SNX14: variants seen among roughly 807,000 people sequenced by gnomAD.
SNX14 encodes sorting nexin 14, also known as sorting nexin-14.
A neutral mutation model predicts 133.8 loss-of-function variants in SNX14; 93 were observed. That is an observed-to-expected ratio of 0.70 (90% confidence interval 0.59 to 0.83). The LOEUF (loss-of-function observed/expected upper bound fraction) is 0.83, where lower values mean the gene tolerates loss of function less well. Among genes scored for constraint, SNX14 ranks in the 40% least tolerant of loss-of-function variants. The pLI is 0.00. For synonymous variants in SNX14, 368 were observed against 365.6 expected (o/e 1.01, Z -0.07); for missense variants, 945 against 1,094.9 (o/e 0.86, Z 1.93).
In SNX14 at chr6:85,547,355, A is replaced by G. The variant is rs1786001134; in HGVS notation, c.955T>C (p.Leu319=). ...TTTCTAGGTTCTGCAAATTTCTGCA[A>G]GAATGGAACCAAAGGAGAAGCCGGT... ...TEPASPLVPF[L]QKFAEPRNKK... Residue 319 remains leucine (L), a synonymous_variant, in exon 11 of 29, where the codon TTG becomes CTG. Transcript: ENST00000314673. 1 of 1,613,846 alleles carries G rather than the reference A, an allele frequency of 6.2e-7. No individual in the cohort carries two copies.
At chr6:85,574,130 AAG>A (rs1304628929) in intron 2 of SNX14, 126 bp downstream of exon 2, 1 of 702,340 alleles carries the variant, frequency 1.4e-6, no homozygotes, top group South Asian at 5.6e-5. Flanking sequence ...AAAAAAAAAA[AAG>A]AGAAGAAATT....
chr6:85,543,268 T>C lies in SNX14; in HGVS notation c.1303A>G (p.Thr435Ala), dbSNP rs901855371. 4 of 1,597,062 alleles carry C rather than the reference T, an allele frequency of 2.5e-6. No individual in the cohort carries two copies. The highest frequency in any genetic ancestry group is 2.6e-6 in the Non-Finnish European group (3 of 1,173,972). Residue 435 changes from threonine (T) to alanine (A), a missense_variant, in exon 14 of 29, where the codon ACT (threonine) becomes GCT (alanine). Transcript: ENST00000314673. Reference sequence around the variant, plus strand: ...TATGCTTCAAAAAGACATCTCATAGTTTGAAGTTTCACAACATCTATGTAT... The same window carrying C: ...TATGCTTCAAAAAGACATCTCATAGCTTGAAGTTTCACAACATCTATGTAT... ...GPYIDVVKLQ[T>A]MRCLFEAYEH...
intron 7 of SNX14, among the ~76,000 whole-genome samples, chr6:85,556,065 T>G (rs1208393588): frequency 2.6e-5 from 4 of 152,040 alleles, no homozygotes; most frequent in Non-Finnish European, 5.9e-5. Context: ...ATTGGTACAT[T>G]GATTATAACA....
At position 85,568,777 on chromosome 6, in the gene SNX14, G is replaced by T. The variant is rs928215293; in HGVS notation, c.418-1200C>A. On this transcript the variant is annotated intron_variant, in intron 4 of 28. Transcript: ENST00000314673. The stretch of plus-strand genomic sequence containing the variant: ...AGTGAACAATAATTTAGACATTTTA[G>T]TACAAAAACTAAGCATTGTTTATAT... Among the ~76,000 whole-genome samples, 5 of 152,186 alleles carry T rather than the reference G, an allele frequency of 3.3e-5. No homozygotes were observed. In the East Asian group the frequency reaches 9.6e-4, roughly 29 times the overall value.
chr6:85,521,435 C>G (rs2127907029), intron 21 of SNX14, among the ~76,000 whole-genome samples: 1 of 152,140 alleles, frequency 6.6e-6, no homozygotes, highest in Non-Finnish European at 1.5e-5. Context: ...GAGACAGAGT[C>G]TCACTTACGT....
At chr6:85,545,581 A>G (rs922763461) in intron 12 of SNX14, among the ~76,000 whole-genome samples, 10 of 152,258 alleles carry the variant, frequency 6.6e-5, no homozygotes, top group African/African-American at 1.9e-4. Context: ...TAAATTCATT[A>G]AGAAGATATA....
intron 1 of SNX14, among the ~76,000 whole-genome samples, chr6:85,578,693 G>T (rs937632015): frequency 6.6e-6 from 1 of 152,176 alleles, no homozygotes; most frequent in Non-Finnish European, 1.5e-5. Flanking sequence ...GCTCTAAACT[G>T]CATCAGAAAG....
intron 10 of SNX14, 53 bp from the exon 11 acceptor site, chr6:85,547,450 T>A: frequency 6.2e-7 from 1 of 1,605,824 alleles, no homozygotes; most frequent in Non-Finnish European, 8.5e-7. Flanking sequence ...TGATTTGACA[T>A]ACAAAATCAA....
chr6:85,537,884 A>C lies in SNX14; in HGVS notation c.1475+954T>G, dbSNP rs919079407. 3.3e-5 allele frequency among the ~76,000 whole-genome samples: 5 copies of C among 152,276 alleles called. No individual in the cohort carries two copies. The South Asian group carries it at 1.0e-3, about 32-fold the overall frequency. On this transcript the variant is annotated intron_variant, in intron 16 of 28. Transcript: ENST00000314673. ...GAATCACTTGGACCCGCAAGATTGC[A>C]CCACTGCACTCCAGCCTGGGCAACA...
At chr6:85,561,075 T>A (rs1791398816) in intron 6 of SNX14, 1 of 148,670 alleles carries the variant, frequency 6.7e-6, no homozygotes, top group South Asian at 2.1e-4. Flanking sequence ...GGCTCACATC[T>A]GTAATCCCAG....
intron 2 of SNX14, 107 bp downstream of exon 2, chr6:85,574,151 A>C (rs1796572402): frequency 1.0e-6 from 1 of 974,728 alleles, no homozygotes; most frequent in Non-Finnish European, 1.4e-6. Flanking sequence ...TTGAAAGAAA[A>C]CAAATTTTGT....
intron 1 of SNX14, among the ~76,000 whole-genome samples, chr6:85,585,711 C>T (rs6454477): frequency 0.75 from 114,685 of 152,040 alleles, 43,895 homozygotes; most frequent in African/African-American, 0.89. Context: ...ATAGACCTAA[C>T]GGATGGAGTA....
chr6:85,564,428 C>T (rs936679565), intron 6 of SNX14, among the ~76,000 whole-genome samples: 6 of 152,216 alleles, frequency 3.9e-5, no homozygotes, highest in Non-Finnish European at 8.8e-5. Flanking sequence ...TCCTCTCCAG[C>T]ACCTGTTGTT....
intron 17 of SNX14, among the ~76,000 whole-genome samples, chr6:85,535,672 G>T (rs1430464397): frequency 6.6e-6 from 1 of 151,168 alleles, no homozygotes; most frequent in Non-Finnish European, 1.5e-5. Context: ...TAAAAAAACG[G>T]CTTTATTTGA....
At position 85,536,813 on chromosome 6, in the gene SNX14, T is replaced by G. The variant is rs200416094; in HGVS notation, c.1587A>C (p.Val529=). The G allele has an allele frequency of 6.2e-7, 1 of 1,612,386 alleles. No individual in the cohort carries two copies. The highest frequency in any genetic ancestry group is 2.2e-5 in the East Asian group (1 of 44,738). Residue 529 remains valine, a synonymous_variant, in exon 17 of 29, where the codon GTA becomes GTC. Coordinates refer to ENST00000314673, the MANE Select transcript of SNX14 (RefSeq NM_153816.6). ...TTACAAAATCATCTTCACCTTCAGC[T>G]ACACCATAATTAGGCAACATAGCTC... The part of the protein sequence containing the change: ...MEGAMLPNYG[V]AEGEDDFIEE...
chr6:85,554,851 G>T (rs908673672), intron 7 of SNX14, among the ~76,000 whole-genome samples: 5 of 151,838 alleles, frequency 3.3e-5, no homozygotes, highest in Admixed American at 1.3e-4. Context: ...ACAGGGTCTT[G>T]CTCTGTTGCC....
Position 85,507,951 on chromosome 6 carries a change from G to T in SNX14, c.2745+17C>A. The T allele has an allele frequency of 6.2e-7, 1 of 1,606,848 alleles. No individual in the cohort carries two copies. The highest frequency in any genetic ancestry group is 8.5e-7 in the Non-Finnish European group (1 of 1,174,754). ...AAACCTAGCCAGCATGAGTTTACGAGCTTTAATGAGCTTTACCTGCTTGTT... is the reference window on the plus strand; with the variant it reads ...AAACCTAGCCAGCATGAGTTTACGATCTTTAATGAGCTTTACCTGCTTGTT... On this transcript the variant is annotated intron_variant, in intron 27 of 28. Coordinates refer to ENST00000314673, the MANE Select transcript of SNX14 (RefSeq NM_153816.6).
At chr6:85,534,317 T>C (rs73481361) in intron 17 of SNX14, among the ~76,000 whole-genome samples, 2,427 of 152,274 alleles carry the variant, frequency 0.016, 72 homozygotes, top group African/African-American at 0.055. Flanking sequence ...CATCTTAGGA[T>C]CACAAACCAA....
Position 85,549,801 on chromosome 6 carries a change from C to A in SNX14, c.713G>T (p.Arg238Ile), listed in dbSNP as rs750787317. The change falls in exon 8 of 29, where the codon AGA becomes ATA. Residue 238 changes from arginine to isoleucine, a missense_variant. Around this residue, in one of 3 missense-constraint regions of SNX14, gnomAD observed 514 missense variants for 538.8 expected, o/e 0.95. Coordinates refer to ENST00000314673, the MANE Select transcript of SNX14 (RefSeq NM_153816.6). The part of the protein sequence containing the change: ...PELHVALRSR[R>I]DELHYLRKLT... ...TTTCCTTAAATAGTGCAATTCATCT[C>A]TTCGACTTCTCAAAGCAACATGAAG... The A allele has an allele frequency of 4.3e-6, 7 of 1,614,038 alleles. No individual in the cohort carries two copies. The highest frequency in any genetic ancestry group is 5.9e-6 in the Non-Finnish European group (7 of 1,179,956).
Sources: allele counts gnomAD v4.1 joint callset (sites outside exome capture counted in the v4.1 genomes callset), GRCh38; gene constraint gnomAD v4.1.1; regional missense constraint gnomAD v4.1.1; transcripts MANE v1.5; gene names NCBI Gene and HGNC (gene_info 2026-07-23, HGNC 2026-07-21).